The following NRF1 variants were observed in gnomAD, a reference collection of about 807,000 sequenced individuals.
NRF1 encodes nuclear respiratory factor 1.
NRF1 carries 5 observed loss-of-function variants against 58.5 expected under a neutral mutation model. The observed-to-expected ratio is 0.09, with a 90% CI of 0.04 to 0.18. NRF1 has a LOEUF of 0.18. NRF1 is among the 10% of genes least tolerant of loss of function. The pLI, the probability that NRF1 is intolerant of heterozygous loss-of-function variation, is 1.00. For synonymous variants in NRF1, 224 were observed against 246.7 expected (o/e 0.91, Z 0.86); for missense variants, 288 against 657.7 (o/e 0.44, Z 6.15).
intron 4 of NRF1, among the ~76,000 whole-genome samples, chr7:129,688,663 G>T (rs1258058253): frequency 6.6e-6 from 1 of 151,690 alleles, no homozygotes; most frequent in Non-Finnish European, 1.5e-5. Context: ...GGGAAGCAAG[G>T]CACGTCTTAC....
chr7:129,754,915 G>C, intron 10 of NRF1, 103 bp from the exon 11 acceptor site: 1 of 1,191,840 alleles, frequency 8.4e-7, no homozygotes, highest in East Asian at 2.7e-5. Context: ...CCTGAGGCTG[G>C]TGACCACGAT....
At chr7:129,735,072 C>G in intron 10 of NRF1, 2 of 985,456 alleles carry the variant, frequency 2.0e-6, no homozygotes, top group Non-Finnish European at 2.4e-6. Flanking sequence ...CTTGGCTCTG[C>G]CTACAGCCCT....
At chr7:129,695,136 T>TAAAAAACTGA (rs1802657988) in intron 5 of NRF1, among the ~76,000 whole-genome samples, 1 of 152,034 alleles carries the variant, frequency 6.6e-6, no homozygotes, top group Admixed American at 6.6e-5. Context: ...ATTTGAGGAG[T>TAAAAAACTGA]TTAGGGCTTT....
chr7:129,703,587 T>G (rs562148581), intron 5 of NRF1, among the ~76,000 whole-genome samples: 2 of 152,336 alleles, frequency 1.3e-5, no homozygotes, highest in East Asian at 3.9e-4. Flanking sequence ...GATTGCCTTT[T>G]TCAATGAAGT....
intron 1 of NRF1, among the ~76,000 whole-genome samples, chr7:129,636,855 T>C (rs755962580): frequency 6.6e-6 from 1 of 152,202 alleles, no homozygotes; most frequent in Non-Finnish European, 1.5e-5. Context: ...TTGAATCATA[T>C]TGAACTTCAA....
chr7:129,711,401 AG>A lies in NRF1; in HGVS notation c.964-73del, dbSNP rs1298202955. The A allele has an allele frequency of 3.7e-6, 4 of 1,078,634 alleles. No homozygotes were observed. In the African/African-American group the frequency reaches 4.7e-5, roughly 13 times the overall value. The allele number at this position is 1,078,634 out of a possible 1,614,324, so 66.8% of individuals were successfully genotyped here. ...TCTGTGCTGAATTTGGGATTAAATG[AG>A]TCTCAGCTTCTGAGTAAAGAGGTGG... On this transcript the variant is annotated intron_variant, in intron 7 of 10. Coordinates refer to ENST00000393232, the MANE Select transcript of NRF1 (RefSeq NM_005011.5).
chr7:129,661,193 G>T (rs1459718516), intron 2 of NRF1, among the ~76,000 whole-genome samples: 2 of 151,324 alleles, frequency 1.3e-5, no homozygotes, highest in Non-Finnish European at 2.9e-5. Context: ...GGGACCCTGG[G>T]CCCAGCCCTT....
intron 10 of NRF1, among the ~76,000 whole-genome samples, chr7:129,748,267 T>TC (rs1175175483): frequency 1.4e-5 from 1 of 72,964 alleles, no homozygotes; most frequent in Non-Finnish European, 2.5e-5. Context: ...AAAGCAAGAC[T>TC]CCGTCTCAAA....
intron 4 of NRF1, among the ~76,000 whole-genome samples, chr7:129,683,308 T>TGAGAGAGAGAGAGAGAGAGAGA (rs1249992360): frequency 7.7e-5 from 11 of 143,086 alleles, no homozygotes; most frequent in African/African-American, 2.9e-4. Context: ...TGTGTGTGTG[T>TGAGAGAGAGAGAGAGAGAGAGA]GTGTGTGTGT....
At chr7:129,628,754 A>C (rs989944075) in intron 1 of NRF1, among the ~76,000 whole-genome samples, 2 of 152,226 alleles carry the variant, frequency 1.3e-5, no homozygotes, top group African/African-American at 4.8e-5. Context: ...ATTAAAACTC[A>C]GCAGTGGTAG....
At chr7:129,631,165 CTA>C (rs1801039551) in intron 1 of NRF1, among the ~76,000 whole-genome samples, 1 of 151,956 alleles carries the variant, frequency 6.6e-6, no homozygotes. Context: ...TTGAGCGAGA[CTA>C]TAGCAAGAGA....
chr7:129,634,061 T>TATATATACACAC (rs764569771), intron 1 of NRF1, among the ~76,000 whole-genome samples: 6 of 131,466 alleles, frequency 4.6e-5, no homozygotes, highest in Admixed American at 3.2e-4. Context: ...TATATATATA[T>TATATATACACAC]ACACACACAC....
chr7:129,646,416 G>T (rs1296710361), intron 1 of NRF1, among the ~76,000 whole-genome samples: 6 of 152,264 alleles, frequency 3.9e-5, no homozygotes, highest in Admixed American at 3.9e-4. Flanking sequence ...TTAATTCTGG[G>T]AACTGGGTAC....
chr7:129,756,073 AGTGCGTGCGTGTAAGTGTGCTT>A lies in NRF1; in HGVS notation c.*896_*917del, dbSNP rs1246252509. The A allele has an allele frequency of 6.7e-6, 1 of 148,276 alleles. No individual in the cohort carries two copies. Among genetic ancestry groups the A allele is most frequent in the African/African-American group, 2.5e-5 (1 of 39,746 alleles). The allele number at this position is 148,276 out of a possible 1,614,324, so 9.2% of individuals were successfully genotyped here. ...TAACCGAAGTATTAGGGGTTTGAGG[AGTGCGTGCGTGTAAGTGTGCTT>A]GTGTGTGTGCGTGCATGGTGGGGGA... is the stretch of plus-strand genomic sequence containing the variant. On this transcript the variant is annotated 3_prime_UTR_variant, in exon 11 of 11. Coordinates refer to ENST00000393232, the MANE Select transcript of NRF1 (RefSeq NM_005011.5).
intron 9 of NRF1, among the ~76,000 whole-genome samples, chr7:129,725,410 C>A (rs1413168580): frequency 6.6e-6 from 1 of 151,832 alleles, no homozygotes; most frequent in Non-Finnish European, 1.5e-5. Flanking sequence ...CCACTGCAAT[C>A]TCCACCTCCC....
At chr7:129,690,993 A>G (rs1802553424) in intron 5 of NRF1, among the ~76,000 whole-genome samples, 1 of 152,204 alleles carries the variant, frequency 6.6e-6, no homozygotes, top group South Asian at 2.1e-4. Context: ...GCAAGAATGT[A>G]AAAGTCAGAG....
Position 129,685,556 on chromosome 7 carries a change from AGTGTGTGTGTGTGT to A in NRF1, c.466-4815_466-4802del, listed in dbSNP as rs67721424. 4.5e-3 allele frequency among the ~76,000 whole-genome samples: 638 copies of A among 143,102 alleles called. 5 individuals carry two copies. Among genetic ancestry groups the A allele is most frequent in the Non-Finnish European group, 5.9e-3 (388 of 66,264 alleles). The allele number at this position is 143,102 out of a possible 152,430, so 93.9% of individuals were successfully genotyped here. On this transcript the variant is annotated intron_variant, in intron 4 of 10. Transcript: ENST00000393232. ...AACATGTAAGACCCTGTCTCATTCA[AGTGTGTGTGTGTGT>A]GTGTGTGTGTGTGTGTGTGTGTGTG...
In NRF1 at chr7:129,733,242, T is replaced by C. The variant is rs1321751273; in HGVS notation, c.1348+5877T>C. Among the ~76,000 whole-genome samples, 5 of 151,448 alleles carry C rather than the reference T, an allele frequency of 3.3e-5. No homozygotes were observed. In the East Asian group the frequency reaches 7.8e-4, roughly 24 times the overall value. On this transcript the variant is annotated intron_variant, in intron 10 of 10. Transcript: ENST00000393232. ...CAGCACTTTGGGAGGCCGAGGCGGG[T>C]GGATCATGAGGTCAGGAGATTGAGA...
At chr7:129,701,633 G>A (rs1272803199) in intron 5 of NRF1, among the ~76,000 whole-genome samples, 2 of 151,764 alleles carry the variant, frequency 1.3e-5, no homozygotes, top group African/African-American at 4.8e-5. Flanking sequence ...GAGAAAACTT[G>A]GTAATAAAAT....
Sources: gnomAD v4.1 joint callset for allele counts (sites outside exome capture counted in the v4.1 genomes callset) on GRCh38, gnomAD v4.1.1 for gene constraint, MANE v1.5 for transcripts, NCBI Gene and HGNC (gene_info 2026-07-23, HGNC 2026-07-21) for gene names.